The following ALOX12 variants were observed in gnomAD, a reference collection of about 807,000 sequenced individuals.
ALOX12 encodes the protein polyunsaturated fatty acid lipoxygenase ALOX12.
A neutral mutation model predicts 85.5 loss-of-function variants in ALOX12; 62 were observed. That is an observed-to-expected ratio of 0.73 (90% CI 0.59 to 0.90). ALOX12 has a LOEUF of 0.90. ALOX12 is among the 40% of genes least tolerant of loss of function. ALOX12 has a pLI of 0.00. For synonymous variants in ALOX12, 299 were observed against 332.7 expected (o/e 0.90, Z 1.10); for missense variants, 751 against 856.5 (o/e 0.88, Z 1.54).
intron 11 of ALOX12, among the ~76,000 whole-genome samples, chr17:7,007,708 C>T (rs1909156363): frequency 6.6e-6 from 1 of 152,058 alleles, no homozygotes; most frequent in South Asian, 2.1e-4. Context: ...ATAGTGAAAC[C>T]CGTCTCTACT....
rs1908989001 is a variant in ALOX12, at chr17:7,005,448, T to C, written c.1248+105T>C. On this transcript the variant is annotated intron_variant, in intron 9 of 13. Transcript: ENST00000251535. ...TGTGAATGTCCTCACTCTTAACCTA[T>C]GAACCTGTCCCTTTTATACCCATGT... The C allele has an allele frequency of 6.9e-5, 63 of 907,666 alleles. 1 individual carries two copies. The South Asian group carries it at 8.4e-4, about 12-fold the overall frequency. 56.2% of individuals were successfully genotyped at this position (907,666 alleles called of 1,614,324 possible). A position where few individuals can be genotyped will look rare whatever the true frequency, so the allele number is the denominator to read the frequency against.
Position 6,999,371 on chromosome 17 carries a change from C to T in ALOX12, c.712C>T (p.Pro238Ser). The change falls in exon 6 of 14, where the codon CCC becomes TCC. Residue 238 changes from proline to serine, a missense_variant. Transcript: ENST00000251535. ...FSYQFLNGAN[P>S]MLLRRSTSLP... ...CTACCAGTTCCTCAATGGTGCCAAC[C>T]CCATGCTGTTGAGACGCTCGACCTC... 2.5e-6 allele frequency: 4 copies of T among 1,614,232 alleles called. No homozygotes were observed. Among genetic ancestry groups the T allele is most frequent in the Non-Finnish European group, 3.4e-6 (4 of 1,180,042 alleles).
rs1483076337 is a variant in ALOX12 at position 6,999,322 on chromosome 17, C to T, written c.663C>T (p.Cys221=). Residue 221 remains cysteine, a synonymous_variant, in exon 6 of 14, where the codon TGC becomes TGT. Transcript: ENST00000251535. ...KSALAEKVRQ[C]WQDDELFSYQ... ...CCACCAAAGAGAAGGTTCGCCAGTG[C>T]TGGCAGGATGATGAGTTGTTCAGCT... is the stretch of plus-strand genomic sequence containing the variant. 1.2e-5 allele frequency: 20 copies of T among 1,614,120 alleles called. No homozygotes were observed. Among genetic ancestry groups the T allele is most frequent in the Non-Finnish European group, 1.7e-5 (20 of 1,180,048 alleles).
chr17:7,004,565 A>T (rs1455319544), intron 8 of ALOX12, among the ~76,000 whole-genome samples: 1 of 151,114 alleles, frequency 6.6e-6, no homozygotes, highest in African/African-American at 2.4e-5. Context: ...TTAAAAAAAG[A>T]CCATGGCCTT....
chr17:6,999,661 T>C, intron 6 of ALOX12, 195 bp downstream of exon 6: 4 of 579,098 alleles, frequency 6.9e-6, no homozygotes, highest in Non-Finnish European at 9.0e-6. Flanking sequence ...AAGGGGAAAA[T>C]AGAATGGATC....
intron 11 of ALOX12, among the ~76,000 whole-genome samples, chr17:7,007,998 T>A (rs1012349551): frequency 3.3e-5 from 5 of 152,164 alleles, no homozygotes; most frequent in Non-Finnish European, 5.9e-5. Context: ...GTGAGACCCC[T>A]CTTCCAGGCT....
chr17:7,001,227 A>G (rs11571336), intron 7 of ALOX12: 86,602 of 201,454 alleles, frequency 0.43, 19,859 homozygotes, highest in Middle Eastern at 0.51. Context: ...CTGGGATTAC[A>G]GGTGTGAGCC....
At position 7,006,533 on chromosome 17, in the gene ALOX12, T is replaced by C; in HGVS notation, c.1466T>C (p.Val489Ala). 1.2e-6 allele frequency: 2 copies of C among 1,613,638 alleles called. No homozygotes were observed. Among genetic ancestry groups the C allele is most frequent in the Non-Finnish European group, 1.7e-6 (2 of 1,179,820 alleles). The change falls in exon 11 of 14, where the codon GTG becomes GCG. Residue 489 changes from valine (V) to alanine (A), a missense_variant. Val to Ala is a moderately conservative substitution (Grantham distance 64, BLOSUM62 0). Coordinates refer to ENST00000251535, the MANE Select transcript of ALOX12 (RefSeq NM_000697.3). ...VHLFYQRDDI[V>A]KGDPELQAWC... ...CTCTTCTACCAAAGGGATGACATAG[T>C]GAAGGGGGACCCTGAGCTGCAGGCC...
rs1028456950 is a variant in ALOX12, at chr17:7,010,628, G to A, written c.*205G>A. 5 of 568,472 alleles carry A rather than the reference G, an allele frequency of 8.8e-6. No individual in the cohort carries two copies. Among genetic ancestry groups the A allele is most frequent in the East Asian group, 3.1e-5 (1 of 32,730 alleles). The allele number at this position is 568,472 out of a possible 1,614,324, so 35.2% of individuals were successfully genotyped here. On this transcript the variant is annotated 3_prime_UTR_variant, in exon 14 of 14. Transcript: ENST00000251535. ...GATCCTTTTTTACGCTTTGCAGACC[G>A]CATAGTCACTGTCTCAACTACTCAG... is the stretch of plus-strand genomic sequence containing the variant.
Position 7,000,507 on chromosome 17 carries a change from G to A in ALOX12, c.951+28G>A, listed in dbSNP as rs752864520. 13 of 1,611,404 alleles carry A rather than the reference G, an allele frequency of 8.1e-6. No homozygotes were observed. The highest frequency in any genetic ancestry group is 4.0e-4 in the Middle Eastern group (2 of 4,978). On this transcript the variant is annotated intron_variant, in intron 7 of 13. Transcript: ENST00000251535. The surrounding 1 kb of genome is among the most constrained non-coding windows in gnomAD (Gnocchi z 4.6). ...AAGGGCCCCAGACCTCTCCCACAAC[G>A]TTGCACTCTGTTCACCTCAACCTCT...
intron 8 of ALOX12, chr17:7,002,092 T>G: frequency 2.3e-6 from 1 of 440,256 alleles, no homozygotes; most frequent in South Asian, 2.4e-5. Flanking sequence ...TATTCCTACC[T>G]TAGATCTAGT....
At chr17:7,007,380 T>A (rs1007876635) in intron 11 of ALOX12, among the ~76,000 whole-genome samples, 3 of 152,210 alleles carry the variant, frequency 2.0e-5, no homozygotes, top group African/African-American at 7.2e-5. Flanking sequence ...ACTTCAGATC[T>A]AGGCTGTGAA....
At chr17:6,999,081 T>C in intron 5 of ALOX12, 25 bp downstream of exon 5, 2 of 1,601,916 alleles carry the variant, frequency 1.2e-6, no homozygotes, top group African/African-American at 2.7e-5. Context: ...GAGGTCTCCA[T>C]AATCCCTTAA....
chr17:7,009,492 T>C (rs1364253952), intron 11 of ALOX12: 2 of 439,834 alleles, frequency 4.5e-6, no homozygotes, highest in African/African-American at 2.0e-5. Flanking sequence ...GTGATTTTGA[T>C]ACATCATCTC....
chr17:7,004,660 C>A (rs1339411321), intron 8 of ALOX12, among the ~76,000 whole-genome samples: 1 of 152,026 alleles, frequency 6.6e-6, no homozygotes, highest in Non-Finnish European at 1.5e-5. Context: ...AAACAGGTAG[C>A]TGAATATAGC....
chr17:7,007,148 C>G (rs1018310520), intron 11 of ALOX12, among the ~76,000 whole-genome samples: 1 of 152,168 alleles, frequency 6.6e-6, no homozygotes, highest in Non-Finnish European at 1.5e-5. Context: ...GCCTCAAACC[C>G]AAACTCAGCA....
chr17:6,996,774 G>A, intron 1 of ALOX12, 52 bp from the exon 2 acceptor site: 7 of 1,555,036 alleles, frequency 4.5e-6, no homozygotes, highest in Non-Finnish European at 6.1e-6. Flanking sequence ...TCCTCGAAAC[G>A]GCCTCAGTCG....
rs566755026 is a variant in ALOX12, at chr17:7,004,933, T to G, written c.1162-324T>G. The stretch of plus-strand genomic sequence containing the variant: ...TAGACACTCTCCAACATCACTTAGG[T>G]GAGCATCACCACAGCCCCTGAGATA... On this transcript the variant is annotated intron_variant, in intron 8 of 13. Transcript: ENST00000251535. Among the ~76,000 whole-genome samples, 10 of 152,300 alleles carry G rather than the reference T, an allele frequency of 6.6e-5. No homozygotes were observed. In the East Asian group the frequency reaches 1.9e-3, roughly 29 times the overall value.
intron 8 of ALOX12, among the ~76,000 whole-genome samples, chr17:7,004,779 T>A (rs1908954192): frequency 6.6e-6 from 1 of 152,040 alleles, no homozygotes; most frequent in Non-Finnish European, 1.5e-5. Flanking sequence ...GCAGAGAGGC[T>A]AGTTTAAGAG....
Sources: allele counts gnomAD v4.1 joint callset (sites outside exome capture counted in the v4.1 genomes callset), GRCh38; gene constraint gnomAD v4.1.1; non-coding constraint Gnocchi (gnomAD v3.1); transcripts MANE v1.5; gene names NCBI Gene and HGNC (gene_info 2026-07-23, HGNC 2026-07-21).